AIRIM: variants seen among roughly 807,000 people sequenced by gnomAD.
AIRIM encodes AFG2-interacting ribosome maturation factor.
chr1:37,689,823 C>G, the AIRIM span: 1 of 1,604,454 alleles, frequency 6.2e-7, no homozygotes, highest in Non-Finnish European at 8.5e-7. Context: ...TCCTCCACCA[C>G]GGGGAAGCAC....
chr1:37,688,705 T>C, the AIRIM span, among the ~76,000 whole-genome samples: 1 of 152,196 alleles, frequency 6.6e-6, no homozygotes, highest in African/African-American at 2.4e-5. Flanking sequence ...CTTTCTTTTG[T>C]TCCAGTTCAA....
chr1:37,685,192 T>TGG, the AIRIM span, among the ~76,000 whole-genome samples: 1,440 of 44,662 alleles, frequency 0.032, 73 homozygotes, highest in East Asian at 0.08. Context: ...TGCTTTTTTT[T>TGG]GGGGGGGGGG....
the AIRIM span, chr1:37,686,437 C>T: frequency 1.2e-6 from 2 of 1,613,438 alleles, no homozygotes; most frequent in Non-Finnish European, 1.7e-6. Context: ...TGTCTCGCAC[C>T]TTGAGGAGGA....
chr1:37,688,809 T>C, the AIRIM span, among the ~76,000 whole-genome samples: 1 of 151,752 alleles, frequency 6.6e-6, no homozygotes, highest in East Asian at 1.9e-4. Context: ...CTACAAAAAA[T>C]TTTAAAATTA....
At chr1:37,689,887 C>G in the AIRIM span, 1 of 1,536,816 alleles carries the variant, frequency 6.5e-7, no homozygotes, top group Non-Finnish European at 8.7e-7. Context: ...TCATCTTCTG[C>G]TGAAAAAGAT....
At chr1:37,681,698 T>C in the AIRIM span, 1 of 152,234 alleles carries the variant, frequency 6.6e-6, no homozygotes, top group Non-Finnish European at 1.5e-5. Context: ...AACATTTTCA[T>C]TTTTTGTAAT....
the AIRIM span, among the ~76,000 whole-genome samples, chr1:37,687,720 G>C: frequency 6.6e-6 from 1 of 152,126 alleles, no homozygotes; most frequent in African/African-American, 2.4e-5. Context: ...AACAGGGTGA[G>C]ACTGTCTCTA....
At chr1:37,690,282 G>C in the AIRIM span, 9 of 1,292,030 alleles carry the variant, frequency 7.0e-6, no homozygotes, top group Non-Finnish European at 9.1e-6. Context: ...ACCGCGCCCG[G>C]CCTGCCTCAG....
At chr1:37,682,191 GA>G in the AIRIM span, 32 of 152,062 alleles carry the variant, frequency 2.1e-4, no homozygotes, top group African/African-American at 7.0e-4. Flanking sequence ...TCACTTATAA[GA>G]AAAAAAGTTA....
chr1:37,691,111 T>C, the AIRIM span: 1 of 151,036 alleles, frequency 6.6e-6, no homozygotes, highest in Non-Finnish European at 1.5e-5. Flanking sequence ...TCACCCCCAC[T>C]ACCCACTGCC....
At chr1:37,682,222 T>A in the AIRIM span, 1 of 152,230 alleles carries the variant, frequency 6.6e-6, no homozygotes, top group African/African-American at 2.4e-5. Flanking sequence ...TTGAAAAATA[T>A]CTATACCCTT....
At chr1:37,687,078 G>A in the AIRIM span, among the ~76,000 whole-genome samples, 2 of 147,746 alleles carry the variant, frequency 1.4e-5, no homozygotes, top group African/African-American at 5.0e-5. Flanking sequence ...GTGTGTGTGT[G>A]TGTGTGTGTG....
At chr1:37,686,392 G>C in the AIRIM span, 1 of 1,614,160 alleles carries the variant, frequency 6.2e-7, no homozygotes, top group Non-Finnish European at 8.5e-7. Flanking sequence ...GTTGCTCATA[G>C]ATCTGAAACA....
At chr1:37,691,916 G>C in the AIRIM span, 2 of 152,524 alleles carry the variant, frequency 1.3e-5, no homozygotes, top group Non-Finnish European at 2.9e-5. Context: ...CTGGCCGCGG[G>C]ATAGCGCGCC....
At chr1:37,690,277 G>T in the AIRIM span, 10 of 1,292,150 alleles carry the variant, frequency 7.7e-6, no homozygotes, top group African/African-American at 1.4e-4. Flanking sequence ...GAGCCACCGC[G>T]CCCGGCCTGC....
At chr1:37,684,241 C>T in the AIRIM span, 2 of 152,308 alleles carry the variant, frequency 1.3e-5, no homozygotes, top group African/African-American at 4.8e-5. Flanking sequence ...ACTGTGTAAA[C>T]ATTCTAGCAC....
chr1:37,689,788 G>C, the AIRIM span: 13 of 1,612,936 alleles, frequency 8.1e-6, no homozygotes, highest in South Asian at 2.2e-5. Flanking sequence ...AGTCCCGCAG[G>C]GCACTCTGCC....
At chr1:37,683,170 G>C in the AIRIM span, 2 of 1,610,750 alleles carry the variant, frequency 1.2e-6, no homozygotes, top group Non-Finnish European at 1.7e-6. Flanking sequence ...TCTGAAATAG[G>C]AAGACAGAAA....
At chr1:37,686,557 T>C in the AIRIM span, 36 of 1,154,080 alleles carry the variant, frequency 3.1e-5, no homozygotes, top group South Asian at 3.9e-4. Flanking sequence ...TTCTCTGTTG[T>C]GAAGGGCTGC....
Sources: gnomAD v4.1 joint callset for allele counts (sites outside exome capture counted in the v4.1 genomes callset) on GRCh38, gnomAD v4.1.1 for gene constraint, MANE v1.5 for transcripts, NCBI Gene and HGNC (gene_info 2026-07-23, HGNC 2026-07-21) for gene names.